Variants in BAZ1A observed in about 807,000 individuals in gnomAD.
BAZ1A encodes bromodomain adjacent to zinc finger domain 1A.
BAZ1A carries 50 observed loss-of-function variants against 185.2 expected under a neutral mutation model. The ratio of observed to expected loss-of-function variants is 0.27; its 90% CI spans 0.22 to 0.34. The LOEUF is 0.34. Ranked by LOEUF, BAZ1A falls within the 10% of genes least tolerant of loss-of-function variation. The pLI is 1.00. For synonymous variants in BAZ1A, 571 were observed against 615.6 expected (o/e 0.93, Z 1.07); for missense variants, 1,356 against 1,839.9 (o/e 0.74, Z 4.81).
intron 3 of BAZ1A, among the ~76,000 whole-genome samples, chr14:34,851,480 T>A (rs1467563522): frequency 6.6e-6 from 1 of 152,110 alleles, no homozygotes; most frequent in East Asian, 1.9e-4. Context: ...GACTGAATGA[T>A]GACTACACAA....
At chr14:34,871,128 C>T (rs2042942757) in intron 2 of BAZ1A, among the ~76,000 whole-genome samples, 1 of 152,162 alleles carries the variant, frequency 6.6e-6, no homozygotes, top group African/African-American at 2.4e-5. Flanking sequence ...TTTTCCTATC[C>T]CACAAGTCAA....
rs547044907 is a variant in BAZ1A at position 34,801,644 on chromosome 14, C to T, written c.862-451G>A. Among the ~76,000 whole-genome samples the T allele has an allele frequency of 2.0e-5, 3 of 152,292 alleles. No homozygotes were observed. The South Asian group carries it at 6.2e-4, about 32-fold the overall frequency. On this transcript the variant is annotated intron_variant, in intron 7 of 26. Coordinates refer to ENST00000360310, the MANE Select transcript of BAZ1A (RefSeq NM_013448.3). ...TATAATTGGGCCGGGCACAGTGGCT[C>T]ATGCCTGTGATCCTAGCATTTTGGG...
chr14:34,825,478 AGGGT>A (rs2042153806), intron 4 of BAZ1A, among the ~76,000 whole-genome samples: 1 of 135,224 alleles, frequency 7.4e-6, no homozygotes, highest in African/African-American at 2.7e-5. Context: ...AAAAAAAAAG[AGGGT>A]GGGGGAGATG....
intron 21 of BAZ1A, among the ~76,000 whole-genome samples, chr14:34,769,715 G>C (rs1325268705): frequency 6.6e-6 from 1 of 152,118 alleles, no homozygotes; most frequent in Admixed American, 6.5e-5. Context: ...AGTGTTAGTA[G>C]TAACAGTATC....
chr14:34,797,871 G>A (rs916049345), intron 9 of BAZ1A, among the ~76,000 whole-genome samples: 3 of 152,214 alleles, frequency 2.0e-5, no homozygotes, highest in Non-Finnish European at 2.9e-5. Context: ...GGCGGGCATC[G>A]CCTCACCCGG....
chr14:34,805,882 A>AC (rs1379735716), intron 6 of BAZ1A, among the ~76,000 whole-genome samples: 2 of 144,074 alleles, frequency 1.4e-5, no homozygotes, highest in African/African-American at 5.1e-5. Flanking sequence ...TCTACACATG[A>AC]CTTTTTTTTT....
intron 3 of BAZ1A, among the ~76,000 whole-genome samples, chr14:34,861,741 G>T (rs1388178265): frequency 6.6e-6 from 1 of 152,118 alleles, no homozygotes. Flanking sequence ...AGTGAAAAGG[G>T]ATCTAGAGTA....
intron 18 of BAZ1A, 23 bp from the exon 19 acceptor site, chr14:34,774,513 T>G: frequency 6.5e-7 from 1 of 1,528,400 alleles, no homozygotes; most frequent in Non-Finnish European, 8.8e-7. Context: ...TCAAATACTT[T>G]TATTATGATT....
intron 12 of BAZ1A, among the ~76,000 whole-genome samples, chr14:34,786,876 G>A (rs1475154378): frequency 6.6e-6 from 1 of 151,562 alleles, no homozygotes; most frequent in Admixed American, 6.6e-5. Flanking sequence ...CCAAAGTGCT[G>A]GGATTACAGG....
rs766596572 is a variant in BAZ1A at position 34,862,181 on chromosome 14, T to C, written c.255A>G (p.Leu85=). The part of the protein sequence containing the change: ...RQNLQSFPEP[L]IIPVLYLTSL... ...TGGTCAAGTATAAAACTGGAATAATTAGTGGTTCTGGAAAACTCTGAAGAT... is the reference window on the plus strand; with the variant it reads ...TGGTCAAGTATAAAACTGGAATAATCAGTGGTTCTGGAAAACTCTGAAGAT... The change falls in exon 3 of 27, where the codon CTA becomes CTG. Residue 85 remains leucine, a synonymous_variant. Transcript: ENST00000360310. The C allele has an allele frequency of 1.2e-6, 2 of 1,614,042 alleles. No individual in the cohort carries two copies. Among genetic ancestry groups the C allele is most frequent in the African/African-American group, 2.7e-5 (2 of 74,924 alleles).
At chr14:34,805,302 T>A (rs1881796220) in intron 6 of BAZ1A, among the ~76,000 whole-genome samples, 1 of 152,242 alleles carries the variant, frequency 6.6e-6, no homozygotes, top group Non-Finnish European at 1.5e-5. Context: ...TCTATTACAC[T>A]CTAAGTGAAA....
Position 34,775,903 on chromosome 14 carries a change from T to C in BAZ1A, c.2833+16A>G, listed in dbSNP as rs751931877. 1.2e-5 allele frequency: 19 copies of C among 1,554,808 alleles called. No homozygotes were observed. Among genetic ancestry groups the C allele is most frequent in the Admixed American group, 2.0e-5 (1 of 49,380 alleles). On this transcript the variant is annotated intron_variant, in intron 18 of 26. Transcript: ENST00000360310. The stretch of plus-strand genomic sequence containing the variant: ...GGAGGGAAAAAAAGTAAAAACAATT[T>C]TCATTGAAAATTTACCTGAAAAATG...
At chr14:34,810,896 T>C in intron 5 of BAZ1A, 39 bp downstream of exon 5, 1 of 1,397,278 alleles carries the variant, frequency 7.2e-7, no homozygotes. Flanking sequence ...ACATAATTAT[T>C]CTACTTTAAA....
intron 3 of BAZ1A, among the ~76,000 whole-genome samples, chr14:34,856,147 T>C (rs1220903323): frequency 6.6e-6 from 1 of 152,148 alleles, no homozygotes; most frequent in African/African-American, 2.4e-5. Context: ...AAAAGACTTA[T>C]TCAGTGTTAG....
At position 34,792,858 on chromosome 14, in the gene BAZ1A, A is replaced by G; in HGVS notation, c.1427T>C (p.Phe476Ser). 6.2e-7 allele frequency: 1 copy of G among 1,613,662 alleles called. No individual in the cohort carries two copies. The highest frequency in any genetic ancestry group is 8.5e-7 in the Non-Finnish European group (1 of 1,179,844). The change falls in exon 12 of 27, where the codon TTC (phenylalanine) becomes TCC (serine). Residue 476 changes from phenylalanine to serine, a missense_variant. Coordinates refer to ENST00000360310, the MANE Select transcript of BAZ1A (RefSeq NM_013448.3). ...TGCCTGGAAGATTGCAGTCAGGAAG[A>G]AAAAAAGCAATTCACACAGTGGGCC... ...SEGPLCELLF[F>S]FLTAIFQAIA...
At chr14:34,839,668 C>T (rs971621477) in intron 3 of BAZ1A, among the ~76,000 whole-genome samples, 5 of 150,876 alleles carry the variant, frequency 3.3e-5, no homozygotes, top group African/African-American at 1.2e-4. Context: ...ATGGAGAAAC[C>T]CCGTCTCTAC....
rs560077342 is a variant in BAZ1A, at chr14:34,788,951, G to A, written c.1511-2730C>T. On this transcript the variant is annotated intron_variant, in intron 12 of 26. Transcript: ENST00000360310. Reference sequence around the variant, plus strand: ...AAAGGAAAAAGGCAGCTCTGGGATCGTATCTGATTACAATCATCGACAATT... The same window carrying A: ...AAAGGAAAAAGGCAGCTCTGGGATCATATCTGATTACAATCATCGACAATT... Among the ~76,000 whole-genome samples, 30 of 152,264 alleles carry A rather than the reference G, an allele frequency of 2.0e-4. No homozygotes were observed. The East Asian group carries it at 2.9e-3, about 15-fold the overall frequency.
chr14:34,844,761 ACACACACACACACGCG>A (rs1318795866), intron 3 of BAZ1A, among the ~76,000 whole-genome samples: 3 of 83,998 alleles, frequency 3.6e-5, no homozygotes, highest in East Asian at 5.6e-4. Flanking sequence ...CTGTCTAAAC[ACACACACACACACGCG>A]CACACACACA....
At chr14:34,852,389 C>T (rs377162177) in intron 3 of BAZ1A, among the ~76,000 whole-genome samples, 1 of 152,090 alleles carries the variant, frequency 6.6e-6, no homozygotes, top group East Asian at 1.9e-4. Context: ...AAGGCTAAGG[C>T]GGACAGATCA....
Sources: gnomAD v4.1 joint callset for allele counts (sites outside exome capture counted in the v4.1 genomes callset) on GRCh38, gnomAD v4.1.1 for gene constraint, MANE v1.5 for transcripts, NCBI Gene and HGNC (gene_info 2026-07-23, HGNC 2026-07-21) for gene names.